The following CDH18 variants were observed in gnomAD, a reference collection of about 807,000 sequenced individuals.
CDH18 encodes cadherin 18.
A neutral mutation model predicts 67.9 loss-of-function variants in CDH18; 31 were observed. The observed-to-expected ratio is 0.46, with a 90% confidence interval of 0.34 to 0.62. The LOEUF (loss-of-function observed/expected upper bound fraction) is 0.62, where lower values mean the gene tolerates loss of function less well. Among genes scored for constraint, CDH18 ranks in the 20% least tolerant of loss-of-function variants. The pLI is 0.01. For synonymous variants in CDH18, 362 were observed against 347.2 expected (o/e 1.04, Z -0.48); for missense variants, 890 against 975.5 (o/e 0.91, Z 1.17).
chr5:19,856,710 A>AT (rs945865369), intron 2 of CDH18, among the ~76,000 whole-genome samples: 50 of 151,976 alleles, frequency 3.3e-4, no homozygotes, highest in East Asian at 1.7e-3. Flanking sequence ...GCAGCAAAAA[A>AT]AAAAATAAAA....
intron 5 of CDH18, among the ~76,000 whole-genome samples, chr5:19,709,286 G>A (rs1355218874): frequency 6.6e-6 from 1 of 152,104 alleles, no homozygotes; most frequent in Non-Finnish European, 1.5e-5. Flanking sequence ...GAAAAGGCTT[G>A]GCCCAGCACG....
intron 1 of CDH18, among the ~76,000 whole-genome samples, chr5:20,414,302 T>G (rs1370882448): frequency 6.6e-6 from 1 of 152,224 alleles, no homozygotes; most frequent in African/African-American, 2.4e-5. Flanking sequence ...AATAATGGTA[T>G]CACTTCGTTT....
intron 5 of CDH18, among the ~76,000 whole-genome samples, chr5:19,616,489 T>C: frequency 6.6e-6 from 1 of 152,212 alleles, no homozygotes; most frequent in Non-Finnish European, 1.5e-5. Flanking sequence ...ACTATTGCAA[T>C]GCTCCTTTTC....
At chr5:19,810,703 C>T (rs955425798) in intron 3 of CDH18, among the ~76,000 whole-genome samples, 1 of 151,712 alleles carries the variant, frequency 6.6e-6, no homozygotes, top group Non-Finnish European at 1.5e-5. Flanking sequence ...TATTAGATTG[C>T]CTTGGGCTCA....
intron 2 of CDH18, among the ~76,000 whole-genome samples, chr5:20,174,403 AT>A (rs1290269032): frequency 6.6e-6 from 1 of 152,178 alleles, no homozygotes; most frequent in Non-Finnish European, 1.5e-5. Flanking sequence ...CAACTGCTGT[AT>A]GCTAGGTACT....
chr5:19,716,279 A>G (rs1581027796), intron 5 of CDH18, among the ~76,000 whole-genome samples: 1 of 152,128 alleles, frequency 6.6e-6, no homozygotes, highest in African/African-American at 2.4e-5. Flanking sequence ...AATTCGATCA[A>G]TTTATTAAGC....
At chr5:19,842,619 A>C (rs1270525857) in intron 2 of CDH18, among the ~76,000 whole-genome samples, 3 of 152,162 alleles carry the variant, frequency 2.0e-5, no homozygotes, top group Non-Finnish European at 4.4e-5. Context: ...AAAATAATAC[A>C]ATACATTTTA....
At chr5:20,248,256 G>A (rs553367176) in intron 2 of CDH18, among the ~76,000 whole-genome samples, 1 of 136,246 alleles carries the variant, frequency 7.3e-6, no homozygotes, top group Non-Finnish European at 1.7e-5. Context: ...TGACACTGTT[G>A]AGTAAGCAAA....
At position 20,005,415 on chromosome 5, in the gene CDH18, T is replaced by TACACAC. The variant is rs3065076; in HGVS notation, c.-517-13407_-517-13402dup. On this transcript the variant is annotated intron_variant, in intron 2 of 14. Transcript: ENST00000507958. ...TATAAACAAAGTATATATATATATG[T>TACACAC]ACACACACACACACACACACACACA... Among the ~76,000 whole-genome samples, 376 of 147,192 alleles carry TACACAC rather than the reference T, an allele frequency of 2.6e-3. 1 individual carries two copies. Among genetic ancestry groups the TACACAC allele is most frequent in the African/African-American group, 7.6e-3 (303 of 40,106 alleles).
chr5:19,556,706 G>A (rs1424144368), intron 8 of CDH18, among the ~76,000 whole-genome samples: 1 of 152,066 alleles, frequency 6.6e-6, no homozygotes, highest in African/African-American at 2.4e-5. Flanking sequence ...CACATTTGAG[G>A]GAATAATTGC....
At chr5:20,251,773 C>T (rs541879683) in intron 2 of CDH18, among the ~76,000 whole-genome samples, 2 of 151,946 alleles carry the variant, frequency 1.3e-5, no homozygotes, top group Admixed American at 1.3e-4. Context: ...AGGAAAGATC[C>T]GTATTTCAAA....
chr5:20,026,865 G>C (rs1437368171), intron 2 of CDH18, among the ~76,000 whole-genome samples: 1 of 152,112 alleles, frequency 6.6e-6, no homozygotes, highest in Non-Finnish European at 1.5e-5. Flanking sequence ...GCTGAGGCAG[G>C]AGAATGGTGT....
chr5:20,115,278 T>TGTTTG (rs1747797232), intron 2 of CDH18, among the ~76,000 whole-genome samples: 1 of 121,472 alleles, frequency 8.2e-6, no homozygotes, highest in Admixed American at 8.9e-5. Context: ...ATCTTTTTTT[T>TGTTTG]TTTTTTTTTT....
intron 2 of CDH18, among the ~76,000 whole-genome samples, chr5:19,946,291 A>T (rs1795276773): frequency 6.6e-6 from 1 of 152,134 alleles, no homozygotes; most frequent in African/African-American, 2.4e-5. Context: ...AAATAAACAC[A>T]TCCTCAGAGC....
At chr5:19,941,456 T>C (rs977237762) in intron 2 of CDH18, among the ~76,000 whole-genome samples, 1 of 152,026 alleles carries the variant, frequency 6.6e-6, no homozygotes, top group East Asian at 1.9e-4. Context: ...GAGGTGAACA[T>C]GTACTCTGTA....
At chr5:20,242,311 T>A (rs1240494218) in intron 2 of CDH18, among the ~76,000 whole-genome samples, 1 of 151,866 alleles carries the variant, frequency 6.6e-6, no homozygotes, top group Non-Finnish European at 1.5e-5. Flanking sequence ...AATGTACTGT[T>A]TTAGCATTTT....
intron 2 of CDH18, among the ~76,000 whole-genome samples, chr5:19,842,805 G>A (rs1782489779): frequency 6.6e-6 from 1 of 152,094 alleles, no homozygotes; most frequent in Admixed American, 6.5e-5. Flanking sequence ...CACTGATAAT[G>A]GATAATGATG....
At chr5:20,264,280 T>G (rs1744870955) in intron 1 of CDH18, among the ~76,000 whole-genome samples, 1 of 152,096 alleles carries the variant, frequency 6.6e-6, no homozygotes, top group African/African-American at 2.4e-5. Flanking sequence ...GTTACTAGTT[T>G]GCATATTGAG....
intron 2 of CDH18, among the ~76,000 whole-genome samples, chr5:20,111,527 CT>C (rs1747460751): frequency 5.4e-5 from 4 of 74,570 alleles, no homozygotes; most frequent in Non-Finnish European, 1.5e-4. Context: ...CCCTCCCTCC[CT>C]TCCTTCCTTC....
Sources: gnomAD v4.1 joint callset for allele counts (sites outside exome capture counted in the v4.1 genomes callset) on GRCh38, gnomAD v4.1.1 for gene constraint, MANE v1.5 for transcripts, NCBI Gene and HGNC (gene_info 2026-07-23, HGNC 2026-07-21) for gene names.